Variants in KCNH5 observed in about 807,000 individuals in gnomAD.
KCNH5 encodes the protein potassium voltage-gated channel subfamily H member 5.
KCNH5 carries 46 observed loss-of-function variants against 96.1 expected under a neutral mutation model. The observed-to-expected ratio is 0.48, with a 90% confidence interval of 0.38 to 0.61. The LOEUF is 0.61. Ranked by LOEUF, KCNH5 falls within the 20% of genes least tolerant of loss-of-function variation. The pLI, the probability that KCNH5 is intolerant of heterozygous loss-of-function variation, is 0.00. For missense variants in KCNH5, 907 were observed against 1,225.8 expected (o/e 0.74, Z 3.88); for synonymous variants, 439 against 449.8 (o/e 0.98, Z 0.30).
chr14:62,906,221 T>C (rs748207877), intron 7 of KCNH5, among the ~76,000 whole-genome samples: 2 of 152,152 alleles, frequency 1.3e-5, no homozygotes, highest in Non-Finnish European at 2.9e-5. Flanking sequence ...CTGTGTTCAG[T>C]GGAGCTTACA....
At chr14:62,882,858 T>C (rs1888521716) in intron 7 of KCNH5, among the ~76,000 whole-genome samples, 1 of 152,210 alleles carries the variant, frequency 6.6e-6, no homozygotes, top group Non-Finnish European at 1.5e-5. Flanking sequence ...TGACTTAGCA[T>C]TCAGAAAACT....
At chr14:62,982,992 C>T (rs1430346041) in intron 5 of KCNH5, among the ~76,000 whole-genome samples, 2 of 152,168 alleles carry the variant, frequency 1.3e-5, no homozygotes, top group Admixed American at 1.3e-4. Flanking sequence ...TTTTCAACTA[C>T]TGGCCTGTCA....
intron 10 of KCNH5, among the ~76,000 whole-genome samples, chr14:62,748,903 C>T (rs1885436699): frequency 6.6e-6 from 1 of 152,082 alleles, no homozygotes; most frequent in African/African-American, 2.4e-5. Flanking sequence ...CCCAAGTAAA[C>T]TAAACAGAAA....
In KCNH5 at chr14:62,737,322, C is replaced by A. The variant is rs373572191; in HGVS notation, c.2020-28867G>T. On this transcript the variant is annotated intron_variant, in intron 10 of 10. Transcript: ENST00000322893. ...GCACATGAAAGTGCACAAGGCATATCTATTGCATGAATAGGTTATATCTTG... is the reference window on the plus strand; with the variant it reads ...GCACATGAAAGTGCACAAGGCATATATATTGCATGAATAGGTTATATCTTG... Among the ~76,000 whole-genome samples the A allele has an allele frequency of 6.6e-5, 10 of 152,294 alleles. No individual in the cohort carries two copies. The East Asian group carries it at 1.4e-3, about 21-fold the overall frequency.
chr14:62,799,303 G>A (rs142628714), intron 9 of KCNH5, among the ~76,000 whole-genome samples: 1,595 of 152,032 alleles, frequency 0.01, 19 homozygotes, highest in African/African-American at 0.032. Context: ...AAAGTTGGGC[G>A]CGGTGGCTGA....
intron 8 of KCNH5, among the ~76,000 whole-genome samples, chr14:62,831,023 C>G (rs1188834730): frequency 1.3e-5 from 2 of 152,160 alleles, no homozygotes; most frequent in East Asian, 3.8e-4. Flanking sequence ...TTTCCTCTTA[C>G]CCATGCATTT....
chr14:63,001,240 G>T, intron 4 of KCNH5, 91 bp downstream of exon 4: 1 of 1,166,050 alleles, frequency 8.6e-7, no homozygotes, highest in Non-Finnish European at 1.2e-6. Context: ...GTAGAATTTT[G>T]TTTTCCAGTT....
intron 7 of KCNH5, among the ~76,000 whole-genome samples, chr14:62,893,671 G>T (rs920801330): frequency 1.3e-5 from 2 of 152,100 alleles, no homozygotes; most frequent in Non-Finnish European, 2.9e-5. Flanking sequence ...CAAGAGAATT[G>T]CTTGAACTTG....
rs71120241 is a variant in KCNH5 at position 62,908,782 on chromosome 14, A to ATTTTTTTTTTTTTTTT, written c.1369+41335_1369+41350dup. Among the ~76,000 whole-genome samples the ATTTTTTTTTTTTTTTT allele has an allele frequency of 2.2e-3, 53 of 23,722 alleles. 6 individuals are homozygous for ATTTTTTTTTTTTTTTT. The highest frequency in any genetic ancestry group is 9.6e-3 in the South Asian group (3 of 312). 15.6% of individuals were successfully genotyped at this position (23,722 alleles called of 152,430 possible). On this transcript the variant is annotated intron_variant, in intron 7 of 10. Transcript: ENST00000322893. ...TTGCCCTTTGTTGATTTTGCTTTGT[A>ATTTTTTTTTTTTTTTT]TTTTTTTTTTTTTTTTTTTTTTTTT...
chr14:62,967,531 T>C (rs929292697), intron 6 of KCNH5, among the ~76,000 whole-genome samples: 4 of 152,134 alleles, frequency 2.6e-5, no homozygotes, highest in African/African-American at 4.8e-5. Context: ...TACCTAAATA[T>C]AAACAACACT....
intron 10 of KCNH5, among the ~76,000 whole-genome samples, chr14:62,764,318 A>G (rs1885814969): frequency 6.6e-6 from 1 of 152,218 alleles, no homozygotes; most frequent in Non-Finnish European, 1.5e-5. Context: ...GGTAAAATTA[A>G]ACATATTTTC....
At chr14:62,941,335 T>C (rs1401008819) in intron 7 of KCNH5, among the ~76,000 whole-genome samples, 2 of 152,102 alleles carry the variant, frequency 1.3e-5, no homozygotes, top group African/African-American at 4.8e-5. Context: ...TAAAAGAACA[T>C]TCCTGCAAAA....
chr14:62,835,951 A>G (rs1356484296), intron 8 of KCNH5, among the ~76,000 whole-genome samples: 1 of 152,070 alleles, frequency 6.6e-6, no homozygotes, highest in Non-Finnish European at 1.5e-5. Context: ...AAAAAGATAA[A>G]TTTAATATCA....
intron 7 of KCNH5, among the ~76,000 whole-genome samples, chr14:62,927,718 AG>A (rs1409343777): frequency 1.3e-5 from 2 of 152,126 alleles, no homozygotes; most frequent in Non-Finnish European, 2.9e-5. Flanking sequence ...GGTGGTCTCC[AG>A]GGGCTGAAGA....
chr14:62,993,699 C>A (rs148583453), intron 4 of KCNH5, among the ~76,000 whole-genome samples: 1 of 151,998 alleles, frequency 6.6e-6, no homozygotes, highest in South Asian at 2.1e-4. Context: ...ACTGTATAAA[C>A]TTTGAAAAAG....
chr14:62,799,990 G>A (rs2139997703), intron 9 of KCNH5, among the ~76,000 whole-genome samples: 1 of 150,794 alleles, frequency 6.6e-6, no homozygotes. Context: ...AGGAGGAGGA[G>A]AAGAAGAGGA....
chr14:62,854,160 CTTAT>C (rs909671051), intron 7 of KCNH5, among the ~76,000 whole-genome samples: 43 of 152,066 alleles, frequency 2.8e-4, no homozygotes, highest in Non-Finnish European at 2.5e-4. Flanking sequence ...ACTTACATTA[CTTAT>C]TTATTTATTT....
At chr14:62,803,405 C>A (rs758742608) in intron 8 of KCNH5, among the ~76,000 whole-genome samples, 1 of 152,134 alleles carries the variant, frequency 6.6e-6, no homozygotes, top group Non-Finnish European at 1.5e-5. Flanking sequence ...ATTTTTTTCA[C>A]TCTGAAGATT....
chr14:63,029,902 G>A (rs373774170), intron 1 of KCNH5, among the ~76,000 whole-genome samples: 3 of 151,950 alleles, frequency 2.0e-5, no homozygotes, highest in Admixed American at 6.6e-5. Context: ...AATTAAAATT[G>A]CTTCCCAGAA....
Sources: allele counts gnomAD v4.1 joint callset (sites outside exome capture counted in the v4.1 genomes callset), GRCh38; gene constraint gnomAD v4.1.1; transcripts MANE v1.5; gene names NCBI Gene and HGNC (gene_info 2026-07-23, HGNC 2026-07-21).